The following PCDH15 variants were observed in gnomAD, a reference collection of about 807,000 sequenced individuals.
The protein encoded by PCDH15 is protocadherin-15.
A neutral mutation model predicts 178.5 loss-of-function variants in PCDH15; 129 were observed. That is an observed-to-expected ratio of 0.72 (90% CI 0.63 to 0.84). The LOEUF (loss-of-function observed/expected upper bound fraction) is 0.84, where lower values mean the gene tolerates loss of function less well. Ranked by LOEUF, PCDH15 falls within the 40% of genes least tolerant of loss-of-function variation. The probability of loss-of-function intolerance (pLI) is 0.00; values close to 1 mark genes in which losing one functional copy is unlikely to be tolerated. For synonymous variants in PCDH15, 800 were observed against 732.0 expected (o/e 1.09, Z -1.50); for missense variants, 2,230 against 2,099.9 (o/e 1.06, Z -1.21).
In PCDH15 at chr10:55,364,611, TC is replaced by T. The variant is rs1446361526; in HGVS notation, c.-155-197961del. ...AGGCACATGGCTATATTATTTTGTG[TC>T]TTTTGCCTAATTAGAAAGTTTTCAG... is the stretch of plus-strand genomic sequence containing the variant. On this transcript the variant is annotated intron_variant, in intron 2 of 5. Transcript: ENST00000613346. Among the ~76,000 whole-genome samples the T allele has an allele frequency of 5.9e-5, 9 of 152,268 alleles. No individual in the cohort carries two copies. The East Asian group carries it at 1.4e-3, about 23-fold the overall frequency.
intron 28 of PCDH15, among the ~76,000 whole-genome samples, chr10:53,847,484 C>CTAAG (rs1267856115): frequency 2.0e-5 from 3 of 152,050 alleles, no homozygotes; most frequent in African/African-American, 7.2e-5. Flanking sequence ...AGACCATATC[C>CTAAG]TAAGTAGTGC....
intron 2 of PCDH15, among the ~76,000 whole-genome samples, chr10:55,094,015 C>T (rs1842383394): frequency 6.6e-6 from 1 of 152,056 alleles, no homozygotes; most frequent in African/African-American, 2.4e-5. Flanking sequence ...CTAGAAATAC[C>T]ATTTGACCCA....
chr10:54,698,823 T>A (rs2095269274), intron 1 of PCDH15, among the ~76,000 whole-genome samples: 1 of 152,114 alleles, frequency 6.6e-6, no homozygotes, highest in Non-Finnish European at 1.5e-5. Context: ...CTGAGCCACT[T>A]TTTATCTTTA....
In PCDH15 at chr10:54,591,318, A is replaced by G. The variant is rs889612522; in HGVS notation, c.92-63441T>C. ...ATCACATTAGTTTTAAAAATATTAA[A>G]CCTTCCTTGGCTGTGGTCAGGGAGA... On this transcript the variant is annotated intron_variant, in intron 2 of 37. Coordinates refer to ENST00000644397, the MANE Select transcript of PCDH15 (RefSeq NM_001384140.1). Among the ~76,000 whole-genome samples the G allele has an allele frequency of 3.9e-5, 6 of 152,140 alleles. No homozygotes were observed. The East Asian group carries it at 7.7e-4, about 20-fold the overall frequency.
chr10:54,719,772 C>T (rs1398018826), intron 1 of PCDH15, among the ~76,000 whole-genome samples: 2 of 151,854 alleles, frequency 1.3e-5, no homozygotes, highest in Non-Finnish European at 2.9e-5. Flanking sequence ...GTGAGAATAT[C>T]CAGTGTTTGG....
At chr10:54,738,963 A>G (rs1566088932) in intron 1 of PCDH15, among the ~76,000 whole-genome samples, 1 of 152,074 alleles carries the variant, frequency 6.6e-6, no homozygotes, top group Non-Finnish European at 1.5e-5. Context: ...ATAATACTGA[A>G]TGGGAAAACA....
rs970484416 is a variant in PCDH15 at position 54,224,020 on chromosome 10, C to G, written c.986-9972G>C. 9.2e-5 allele frequency among the ~76,000 whole-genome samples: 14 copies of G among 152,206 alleles called. 1 individual carries two copies. The highest frequency in any genetic ancestry group is 3.4e-4 in the African/African-American group (14 of 41,554). On this transcript the variant is annotated intron_variant, in intron 9 of 37. Coordinates refer to ENST00000644397, the MANE Select transcript of PCDH15 (RefSeq NM_001384140.1). ...GCACATCTAATATACTTCAAAGGAG[C>G]ACTACCTCAAAAAATACAGTATCAA...
intron 21 of PCDH15, among the ~76,000 whole-genome samples, chr10:53,987,932 C>A (rs1412229583): frequency 1.3e-5 from 2 of 152,174 alleles, no homozygotes; most frequent in Admixed American, 1.3e-4. Context: ...TTCTGAGAGT[C>A]TATTTCCAGG....
rs1377410662 is a variant in PCDH15 at position 55,225,888 on chromosome 10, G to C, written c.-155-59237C>G. Among the ~76,000 whole-genome samples, 2 of 151,926 alleles carry C rather than the reference G, an allele frequency of 1.3e-5. 1 individual carries two copies. Among genetic ancestry groups the C allele is most frequent in the African/African-American group, 4.8e-5 (2 of 41,270 alleles). On this transcript the variant is annotated intron_variant, in intron 1 of 5. Transcript: ENST00000458638. ...GTTGAAGCTAAGATTCTCTAAATTT[G>C]GGGACCGTGGGTACAGCAAAGAGTA...
At chr10:55,316,021 A>C (rs1843714146) in intron 1 of PCDH15, among the ~76,000 whole-genome samples, 1 of 152,212 alleles carries the variant, frequency 6.6e-6, no homozygotes, top group African/African-American at 2.4e-5. Context: ...TTCTAAAAAC[A>C]AAACAAAACA....
intron 14 of PCDH15, among the ~76,000 whole-genome samples, chr10:54,152,439 T>C (rs563105064): frequency 3.9e-5 from 6 of 152,048 alleles, no homozygotes; most frequent in Admixed American, 6.6e-5. Flanking sequence ...TATTAAGGAA[T>C]ATTACATAAC....
intron 2 of PCDH15, among the ~76,000 whole-genome samples, chr10:55,420,742 A>C (rs558880317): frequency 2.8e-4 from 43 of 151,778 alleles, no homozygotes; most frequent in Non-Finnish European, 5.2e-4. Flanking sequence ...CAATGGCTTA[A>C]GAGAAGAGGC....
intron 5 of PCDH15, among the ~76,000 whole-genome samples, 191 bp downstream of exon 5, chr10:54,368,929 T>C (rs184246942): frequency 6.6e-6 from 1 of 152,194 alleles, no homozygotes; most frequent in East Asian, 1.9e-4. Flanking sequence ...ATTTTTCCCA[T>C]AGTTAAATGA....
rs144169796 is a variant in PCDH15 at position 53,831,198 on chromosome 10, G to A, written c.4202+117C>T. On this transcript the variant is annotated intron_variant, in intron 30 of 37. Coordinates refer to ENST00000644397, the MANE Select transcript of PCDH15 (RefSeq NM_001384140.1). ...GGTACGAGATAGACAGACAGATAAA[G>A]CAATCTCAGAGTAGTTGCACCATCA... is the stretch of plus-strand genomic sequence containing the variant. The A allele has an allele frequency of 5.0e-4, 470 of 944,510 alleles. No homozygotes were observed. In the African/African-American group the frequency reaches 6.6e-3, roughly 13 times the overall value. The allele number at this position is 944,510 out of a possible 1,614,324, so 58.5% of individuals were successfully genotyped here. A position where few individuals can be genotyped will look rare whatever the true frequency, so the allele number is the denominator to read the frequency against.
intron 2 of PCDH15, among the ~76,000 whole-genome samples, chr10:55,536,464 CTACTGAAAAATTG>C (rs1455001468): frequency 2.0e-5 from 3 of 152,050 alleles, no homozygotes; most frequent in Non-Finnish European, 4.4e-5. Context: ...CAAATTTCCT[CTACTGAAAAATTG>C]AATATTAAAA....
intron 8 of PCDH15, among the ~76,000 whole-genome samples, chr10:54,291,461 A>G (rs1005696536): frequency 4.6e-5 from 7 of 152,212 alleles, no homozygotes; most frequent in African/African-American, 1.7e-4. Flanking sequence ...AAGGCAAGAA[A>G]TAAGTAATAT....
In PCDH15 at chr10:54,527,818, G is replaced by A. The variant is rs759774914; in HGVS notation, c.151C>T (p.Arg51Trp). The A allele has an allele frequency of 4.4e-6, 7 of 1,608,498 alleles. No homozygotes were observed. Among genetic ancestry groups the A allele is most frequent in the South Asian group, 3.3e-5 (3 of 90,372 alleles). Residue 51 changes from arginine (R) to tryptophan (W), a missense_variant, in exon 3 of 38, where the codon CGG (arginine) becomes TGG (tryptophan). Transcript: ENST00000644397. ...AAATAAAAAACTCACTTACCATTCC[G>A]ACTTTCTTCATCAATAGCAACTATG... ...ATIVAIDEES[R>W]NGTILVDNML...
intron 7 of PCDH15, among the ~76,000 whole-genome samples, chr10:54,325,410 G>T (rs1937723670): frequency 6.6e-6 from 1 of 151,876 alleles, no homozygotes; most frequent in South Asian, 2.1e-4. Flanking sequence ...TAATATATTG[G>T]TGCTTAATGT....
chr10:54,408,201 C>A (rs1191931796), intron 3 of PCDH15, among the ~76,000 whole-genome samples: 1 of 151,100 alleles, frequency 6.6e-6, no homozygotes, highest in African/African-American at 2.4e-5. Flanking sequence ...TGCTTTCTCT[C>A]TATATAGAAC....
Sources: gnomAD v4.1 joint callset for allele counts (sites outside exome capture counted in the v4.1 genomes callset) on GRCh38, gnomAD v4.1.1 for gene constraint, MANE v1.5 for transcripts, NCBI Gene and HGNC (gene_info 2026-07-23, HGNC 2026-07-21) for gene names.